Variants in POC5 observed in about 807,000 individuals in gnomAD.
POC5 encodes POC5 centriolar protein.
Under a neutral mutation model 62.9 loss-of-function variants are expected in POC5, and 48 were observed. That is an observed-to-expected ratio of 0.76 (90% confidence interval 0.61 to 0.97). The LOEUF is 0.97. POC5 is among the 50% of genes least tolerant of loss of function. The pLI is 0.00. For missense variants in POC5, 696 were observed against 679.5 expected, an observed-to-expected ratio of 1.02 and a Z score of -0.27; for synonymous variants, 236 against 228.2, an observed-to-expected ratio of 1.03 and a Z score of -0.31.
At chr5:75,677,740 C>G in intron 11 of POC5, 34 bp downstream of exon 11, 1 of 1,504,422 alleles carries the variant, frequency 6.6e-7, no homozygotes, top group Non-Finnish European at 8.9e-7. Flanking sequence ...AGGAAAAAGA[C>G]TTTTTGACAA....
At chr5:75,712,569 A>T in intron 2 of POC5, 1 of 1,007,840 alleles carries the variant, frequency 9.9e-7, no homozygotes, top group Non-Finnish European at 1.5e-6. Flanking sequence ...AATGAAAAAA[A>T]TTTAAACAAA....
Position 75,694,694 on chromosome 5 carries a change from C to T in POC5, c.651G>A (p.Leu217=). 1.3e-6 allele frequency: 2 copies of T among 1,575,374 alleles called. No individual in the cohort carries two copies. The highest frequency in any genetic ancestry group is 1.2e-5 in the South Asian group (1 of 82,288). Residue 217 remains leucine, a synonymous_variant, in exon 6 of 12, where the codon CTG becomes CTA. Coordinates refer to ENST00000428202, the MANE Select transcript of POC5 (RefSeq NM_001099271.2). ...CAATGGAGATTTCAAAGGTTTTTTG[C>T]AGCTCCTTCAATTCATTGATCTGAT... ...LCNQINELKE[L]QKTFEISIGR...
chr5:75,692,006 A>C (rs1395768019), intron 7 of POC5, among the ~76,000 whole-genome samples: 3 of 152,198 alleles, frequency 2.0e-5, no homozygotes. Context: ...AAATATAGTA[A>C]AGCCTCTTTA....
In POC5 at chr5:75,685,221, C is replaced by A; in HGVS notation, c.1393G>T (p.Ala465Ser). 1 of 1,612,194 alleles carries A rather than the reference C, an allele frequency of 6.2e-7. No homozygotes were observed. The highest frequency in any genetic ancestry group is 1.3e-5 in the African/African-American group (1 of 75,036). Residue 465 changes from alanine to serine, a missense_variant, in exon 10 of 12, where the codon GCA (alanine) becomes TCA (serine). Ala to Ser is a moderately conservative substitution (Grantham distance 99). Transcript: ENST00000428202. ...ACTGTACTAACCATTTCTTCTGATG[C>A]AGCAGTAGCTGCAGATCCTGCACCA... Reference protein sequence around the residue: ...ALGAGSAATAASEEMYVPRVV... With the variant: ...ALGAGSAATASSEEMYVPRVV...
chr5:75,694,764 C>T lies in POC5; in HGVS notation c.581G>A (p.Arg194Lys), dbSNP rs779440283. Reference sequence around the variant, plus strand: ...TGCTGCATGTTTTTCTTTCTCTTTTCTCATTTCCATTCGGTGCCAGTCAAT... The same window carrying T: ...TGCTGCATGTTTTTCTTTCTCTTTTTTCATTTCCATTCGGTGCCAGTCAAT... ...NFIDWHRMEM[R>K]KEKEKHAAHL... The change falls in exon 6 of 12, where the codon AGA (arginine) becomes AAA (lysine). Residue 194 changes from arginine (R) to lysine (K), a missense_variant. By Grantham distance (26) the Arg-to-Lys change is conservative (BLOSUM62 2). Transcript: ENST00000428202. 1 of 1,587,744 alleles carries T rather than the reference C, an allele frequency of 6.3e-7. No homozygotes were observed. Among genetic ancestry groups the T allele is most frequent in the Non-Finnish European group, 8.6e-7 (1 of 1,157,664 alleles).
At chr5:75,716,343 C>T (rs917418863) in intron 1 of POC5, among the ~76,000 whole-genome samples, 3 of 123,192 alleles carry the variant, frequency 2.4e-5, no homozygotes, top group African/African-American at 9.8e-5. Flanking sequence ...TTTTTATTCA[C>T]TTCTTCCTTC....
At chr5:75,715,645 C>T (rs1264296870) in intron 1 of POC5, among the ~76,000 whole-genome samples, 1 of 152,150 alleles carries the variant, frequency 6.6e-6, no homozygotes, top group Admixed American at 6.5e-5. Flanking sequence ...CAAGACCTAA[C>T]CATATCAGGT....
At chr5:75,708,830 AT>A (rs1261093255) in intron 2 of POC5, among the ~76,000 whole-genome samples, 6 of 151,760 alleles carry the variant, frequency 4.0e-5, no homozygotes, top group African/African-American at 1.2e-4. Flanking sequence ...TTGATTTACA[AT>A]TTTTTTCTTC....
At position 75,692,453 on chromosome 5, in the gene POC5, T is replaced by C; in HGVS notation, c.738A>G (p.Ile246Met). The stretch of plus-strand genomic sequence containing the variant: ...AGTGGAAGAATGTTCTCATCAACTC[T>C]ATCTTTTCCTTTTGCTTGCCTATGG... Reference protein sequence around the residue: ...SHAIGKQKEKIELMRTFFHWR... With the variant: ...SHAIGKQKEKMELMRTFFHWR... The change falls in exon 7 of 12, where the codon ATA becomes ATG. Residue 246 changes from isoleucine to methionine, a missense_variant. By Grantham distance (10) the Ile-to-Met change is conservative. Coordinates refer to ENST00000428202, the MANE Select transcript of POC5 (RefSeq NM_001099271.2). 6.2e-7 allele frequency: 1 copy of C among 1,601,842 alleles called. No individual in the cohort carries two copies. The highest frequency in any genetic ancestry group is 8.5e-7 in the Non-Finnish European group (1 of 1,173,876).
chr5:75,692,922 A>G (rs1776401925), intron 6 of POC5, among the ~76,000 whole-genome samples: 1 of 151,554 alleles, frequency 6.6e-6, no homozygotes, highest in African/African-American at 2.4e-5. Context: ...TTGGATATAG[A>G]AGTTCCTCAA....
intron 10 of POC5, among the ~76,000 whole-genome samples, chr5:75,682,611 G>A (rs1308200364): frequency 6.6e-6 from 1 of 151,246 alleles, no homozygotes; most frequent in Non-Finnish European, 1.5e-5. Context: ...TGCCTCCCGG[G>A]TTCAAGTGAT....
chr5:75,712,823 AG>A (rs753375882), intron 2 of POC5, 30 bp downstream of exon 2: 30 of 1,484,756 alleles, frequency 2.0e-5, no homozygotes, highest in Non-Finnish European at 2.7e-5. Flanking sequence ...AAATAAAAAA[AG>A]TCATGGTAAA....
At chr5:75,690,877 A>G (rs17649109) in intron 7 of POC5, among the ~76,000 whole-genome samples, 10,356 of 152,236 alleles carry the variant, frequency 0.068, 379 homozygotes, top group South Asian at 0.11. Context: ...TGAGCAAATC[A>G]CCACTTGCCA....
chr5:75,693,658 C>A (rs547614045), intron 6 of POC5, among the ~76,000 whole-genome samples: 2 of 152,032 alleles, frequency 1.3e-5, no homozygotes, highest in Admixed American at 6.6e-5. Context: ...CAATTTTATA[C>A]GAAATCAAGG....
rs1474451022 is a variant in POC5 at position 75,699,907 on chromosome 5, A to C, written c.513+2698T>G. ...AAATCAATGTACAAAAATCACAAGC[A>C]TTCTTATACATCAACAACAGACAAA... On this transcript the variant is annotated intron_variant, in intron 5 of 11. Coordinates refer to ENST00000428202, the MANE Select transcript of POC5 (RefSeq NM_001099271.2). 8.6e-5 allele frequency among the ~76,000 whole-genome samples: 13 copies of C among 151,864 alleles called. No homozygotes were observed. The East Asian group carries it at 1.9e-3, about 23-fold the overall frequency.
intron 2 of POC5, among the ~76,000 whole-genome samples, chr5:75,710,867 G>A (rs1283423149): frequency 2.0e-5 from 3 of 152,126 alleles, no homozygotes; most frequent in Admixed American, 1.3e-4. Flanking sequence ...ATGTAGGAAC[G>A]GAGGGAGAAG....
chr5:75,707,810 C>T lies in POC5; in HGVS notation c.150G>A (p.Gln50=), dbSNP rs760827308. ...VTPNIEPCAS[Q]SSHPKGELVP... ...CCAATTCTCCCTTAGGATGAGATGA[C>T]TGTGAAGCACAGGGTTCAATATTTG... The change falls in exon 3 of 12, where the codon CAG becomes CAA. Residue 50 remains glutamine, a synonymous_variant. Coordinates refer to ENST00000428202, the MANE Select transcript of POC5 (RefSeq NM_001099271.2). 6.3e-7 allele frequency: 1 copy of T among 1,584,046 alleles called. No individual in the cohort carries two copies. Among genetic ancestry groups the T allele is most frequent in the Non-Finnish European group, 8.6e-7 (1 of 1,161,350 alleles).
At chr5:75,715,295 G>A (rs1777507540) in intron 1 of POC5, among the ~76,000 whole-genome samples, 1 of 136,374 alleles carries the variant, frequency 7.3e-6, no homozygotes. Flanking sequence ...GGGCGACAGA[G>A]TGAGACTCCG....
intron 1 of POC5, among the ~76,000 whole-genome samples, chr5:75,716,522 C>G (rs1308232414): frequency 6.6e-6 from 1 of 152,042 alleles, no homozygotes; most frequent in Admixed American, 6.6e-5. Context: ...TTCCATCTGC[C>G]CTGCTTTATG....
Sources: allele counts gnomAD v4.1 joint callset (sites outside exome capture counted in the v4.1 genomes callset), GRCh38; gene constraint gnomAD v4.1.1; transcripts MANE v1.5; gene names NCBI Gene and HGNC (gene_info 2026-07-23, HGNC 2026-07-21).